The following ARHGAP31 variants were observed in gnomAD, a reference collection of about 807,000 sequenced individuals.
ARHGAP31 encodes the protein Rho GTPase activating protein 31.
In ARHGAP31, 34 loss-of-function variants were observed where a neutral mutation model predicts 113.9. The observed-to-expected ratio is 0.30, with a 90% CI of 0.23 to 0.40. The LOEUF (loss-of-function observed/expected upper bound fraction) is 0.40. ARHGAP31 is among the 10% of genes least tolerant of loss of function. ARHGAP31 has a pLI of 1.00. For synonymous variants in ARHGAP31, 650 were observed against 684.8 expected, an observed-to-expected ratio of 0.95 and a Z score of 0.79; for missense variants, 1,548 against 1,767.1, an observed-to-expected ratio of 0.88 and a Z score of 2.22.
chr3:119,307,405 G>C (rs926785588), intron 1 of ARHGAP31, among the ~76,000 whole-genome samples: 1 of 152,170 alleles, frequency 6.6e-6, no homozygotes, highest in Non-Finnish European at 1.5e-5. Context: ...ATTACTAAAA[G>C]TATGGTTCCT....
chr3:119,370,015 T>A (rs1248750167), intron 3 of ARHGAP31, among the ~76,000 whole-genome samples: 5 of 152,056 alleles, frequency 3.3e-5, no homozygotes, highest in Admixed American at 3.3e-4. Context: ...GGCATAAATG[T>A]TGACCTCTAG....
At chr3:119,333,068 G>A (rs1182527688) in intron 1 of ARHGAP31, among the ~76,000 whole-genome samples, 3 of 152,198 alleles carry the variant, frequency 2.0e-5, no homozygotes, top group Non-Finnish European at 4.4e-5. Flanking sequence ...AGGCTCATCA[G>A]ATCCCAGAGC....
chr3:119,405,274 G>T (rs1281189023), intron 10 of ARHGAP31, among the ~76,000 whole-genome samples: 1 of 152,016 alleles, frequency 6.6e-6, no homozygotes, highest in Non-Finnish European at 1.5e-5. Context: ...CTATAATATA[G>T]AAAATAAAAA....
chr3:119,387,256 G>A (rs988256395), intron 6 of ARHGAP31, among the ~76,000 whole-genome samples: 10 of 152,200 alleles, frequency 6.6e-5, no homozygotes, highest in Admixed American at 1.3e-4. Flanking sequence ...GGCCCTGTCC[G>A]GGCATAACAG....
chr3:119,410,239 G>A (rs574254808), intron 11 of ARHGAP31, among the ~76,000 whole-genome samples: 6 of 152,198 alleles, frequency 3.9e-5, no homozygotes, highest in Admixed American at 6.5e-5. Flanking sequence ...CTTTCCTTCC[G>A]TGGGCTCTGG....
intron 3 of ARHGAP31, among the ~76,000 whole-genome samples, chr3:119,374,697 G>A (rs540445994): frequency 9.9e-5 from 15 of 152,264 alleles, no homozygotes; most frequent in African/African-American, 3.4e-4. Context: ...CTCCGCTGTG[G>A]TAAGGCAAGC....
intron 1 of ARHGAP31, among the ~76,000 whole-genome samples, chr3:119,338,927 A>T (rs1460512618): frequency 6.6e-6 from 1 of 152,224 alleles, no homozygotes; most frequent in Admixed American, 6.5e-5. Flanking sequence ...GCTTAAATTG[A>T]CAGAAGAAAA....
At chr3:119,317,456 CGTGA>C (rs1231917802) in intron 1 of ARHGAP31, among the ~76,000 whole-genome samples, 1 of 152,086 alleles carries the variant, frequency 6.6e-6, no homozygotes, top group Non-Finnish European at 1.5e-5. Flanking sequence ...GGATTACAGG[CGTGA>C]GTCACTGCGC....
intron 9 of ARHGAP31, among the ~76,000 whole-genome samples, chr3:119,399,961 C>A (rs1201251098): frequency 6.6e-6 from 1 of 152,172 alleles, no homozygotes; most frequent in Non-Finnish European, 1.5e-5. Flanking sequence ...TGTTAAGTAA[C>A]CAACAAGCAC....
chr3:119,323,720 G>A (rs886798837), intron 1 of ARHGAP31, among the ~76,000 whole-genome samples: 1 of 152,334 alleles, frequency 6.6e-6, no homozygotes, highest in East Asian at 1.9e-4. Flanking sequence ...CTCACCGGCT[G>A]TATGGCCCTG....
intron 1 of ARHGAP31, among the ~76,000 whole-genome samples, chr3:119,344,355 C>G (rs1332401802): frequency 6.6e-6 from 1 of 152,182 alleles, no homozygotes. Context: ...GAAGAGTCCA[C>G]CCATTCTGCA....
At chr3:119,344,050 G>C (rs201777119) in intron 1 of ARHGAP31, among the ~76,000 whole-genome samples, 6 of 152,024 alleles carry the variant, frequency 3.9e-5, no homozygotes, top group East Asian at 3.9e-4. Flanking sequence ...CTGGCCGGGG[G>C]CGCAAAGAGT....
At chr3:119,312,861 T>A (rs1214368934) in intron 1 of ARHGAP31, among the ~76,000 whole-genome samples, 1 of 152,236 alleles carries the variant, frequency 6.6e-6, no homozygotes, top group Non-Finnish European at 1.5e-5. Context: ...TTAATTTTAA[T>A]TAATTTAAAT....
chr3:119,336,199 G>A (rs1443095713), intron 1 of ARHGAP31, among the ~76,000 whole-genome samples: 1 of 152,104 alleles, frequency 6.6e-6, no homozygotes, highest in Non-Finnish European at 1.5e-5. Flanking sequence ...AGAAATACTG[G>A]TTCTGAGTTA....
chr3:119,359,543 GA>G (rs758168304), intron 1 of ARHGAP31, among the ~76,000 whole-genome samples: 53 of 151,824 alleles, frequency 3.5e-4, no homozygotes, highest in Admixed American at 6.6e-4. Flanking sequence ...AGGAAGAAAA[GA>G]GTAGAAAGAA....
In ARHGAP31 at chr3:119,402,258, C is replaced by G; in HGVS notation, c.1506C>G (p.Ile502Met). ...VSVPLRVSAV[I>M]STNSTPCRTP... is the part of the protein sequence containing the mutation. The stretch of plus-strand genomic sequence containing the variant: ...TGCCGCTCCGCGTGTCCGCAGTCAT[C>G]AGCACCAACAGCACGCCGTGCAGAA... The change falls in exon 10 of 12, where the codon ATC (isoleucine) becomes ATG (methionine). Residue 502 changes from isoleucine (I) to methionine (M), a missense_variant. Physicochemically the swap from Ile to Met is conservative, Grantham distance 10. Coordinates refer to ENST00000264245, the MANE Select transcript of ARHGAP31 (RefSeq NM_020754.4). The G allele has an allele frequency of 6.2e-7, 1 of 1,614,278 alleles. No homozygotes were observed. Among genetic ancestry groups the G allele is most frequent in the Non-Finnish European group, 8.5e-7 (1 of 1,180,050 alleles).
chr3:119,408,105 C>T (rs2080682112), intron 10 of ARHGAP31, among the ~76,000 whole-genome samples: 1 of 151,846 alleles, frequency 6.6e-6, no homozygotes, highest in African/African-American at 2.4e-5. Flanking sequence ...ACCTAGAAAA[C>T]AAAAAGATGT....
intron 1 of ARHGAP31, among the ~76,000 whole-genome samples, chr3:119,305,494 A>T (rs1023488203): frequency 6.6e-6 from 1 of 150,760 alleles, no homozygotes; most frequent in Non-Finnish European, 1.5e-5. Context: ...ATAAATCTAC[A>T]CCTCCCTGCC....
At chr3:119,298,056 C>A (rs2079548933) in intron 1 of ARHGAP31, among the ~76,000 whole-genome samples, 1 of 152,122 alleles carries the variant, frequency 6.6e-6, no homozygotes, top group Admixed American at 6.5e-5. Flanking sequence ...AATTTTCCCC[C>A]TTCTTTGACC....
Sources: gnomAD v4.1 joint callset for allele counts (sites outside exome capture counted in the v4.1 genomes callset) on GRCh38, gnomAD v4.1.1 for gene constraint, MANE v1.5 for transcripts, NCBI Gene and HGNC (gene_info 2026-07-23, HGNC 2026-07-21) for gene names.